PAN3: variants seen among roughly 807,000 people sequenced by gnomAD.
PAN3 encodes PAN2-PAN3 deadenylation complex subunit PAN3.
Under a neutral mutation model 96.2 loss-of-function variants are expected in PAN3, and 19 were observed. The observed-to-expected ratio is 0.20, with a 90% CI of 0.14 to 0.29. PAN3 has a LOEUF of 0.29. Ranked by LOEUF, PAN3 falls within the 10% of genes least tolerant of loss-of-function variation. The pLI is 1.00. For missense variants in PAN3, 882 were observed against 1,108.1 expected (o/e 0.80, Z 2.90); for synonymous variants, 433 against 406.6 (o/e 1.06, Z -0.78).
At chr13:28,194,466 A>ATATTTTT (rs1429166016) in intron 4 of PAN3, among the ~76,000 whole-genome samples, 3 of 122,132 alleles carry the variant, frequency 2.5e-5, no homozygotes, top group African/African-American at 1.1e-4. Flanking sequence ...ATATATATAT[A>ATATTTTT]TTTTTTTTTT....
At chr13:28,225,568 T>TC (rs1273645998) in intron 6 of PAN3, among the ~76,000 whole-genome samples, 2 of 152,192 alleles carry the variant, frequency 1.3e-5, no homozygotes, top group African/African-American at 2.4e-5. Flanking sequence ...TTCTGACAGA[T>TC]TGTCATCTAG....
chr13:28,255,397 TG>T (rs1439462731), intron 6 of PAN3, among the ~76,000 whole-genome samples: 1 of 152,198 alleles, frequency 6.6e-6, no homozygotes, highest in Non-Finnish European at 1.5e-5. Flanking sequence ...AGTTTATATT[TG>T]GGTTTTTTTA....
At chr13:28,203,456 A>G (rs948430968) in intron 5 of PAN3, among the ~76,000 whole-genome samples, 4 of 151,864 alleles carry the variant, frequency 2.6e-5, no homozygotes, top group Non-Finnish European at 4.4e-5. Flanking sequence ...GGTATGTGCA[A>G]CTGTGCCCAG....
At chr13:28,195,951 A>G (rs1313105792) in intron 4 of PAN3, among the ~76,000 whole-genome samples, 1 of 151,996 alleles carries the variant, frequency 6.6e-6, no homozygotes, top group African/African-American at 2.4e-5. Context: ...TTTGGAAATT[A>G]TGTCTTTTTT....
chr13:28,199,989 T>C (rs1878508689), intron 5 of PAN3, among the ~76,000 whole-genome samples: 1 of 152,196 alleles, frequency 6.6e-6, no homozygotes, highest in African/African-American at 2.4e-5. Flanking sequence ...TATTGTCTTT[T>C]GGTATTGCTA....
intron 5 of PAN3, among the ~76,000 whole-genome samples, chr13:28,206,499 T>C (rs1879382291): frequency 6.6e-6 from 1 of 151,748 alleles, no homozygotes; most frequent in African/African-American, 2.4e-5. Flanking sequence ...ATTTTGTATA[T>C]TTAGTAGATA....
Position 28,203,573 on chromosome 13 carries a change from TG to T in PAN3, c.852+6228del, listed in dbSNP as rs529128223. On this transcript the variant is annotated intron_variant, in intron 5 of 18. Coordinates refer to ENST00000380958, the MANE Select transcript of PAN3 (RefSeq NM_175854.8). ...ACCCACTTGCCTCAGCCTCCCAAAG[TG>T]CTGGGATTACAGGTGTGAGCCACCA... Among the ~76,000 whole-genome samples the T allele has an allele frequency of 2.5e-3, 380 of 152,232 alleles. 1 individual carries two copies. The highest frequency in any genetic ancestry group is 8.9e-3 in the African/African-American group (369 of 41,528).
intron 14 of PAN3, 37 bp downstream of exon 14, chr13:28,272,108 C>T: frequency 7.2e-7 from 1 of 1,388,448 alleles, no homozygotes; most frequent in Non-Finnish European, 9.9e-7. Context: ...ACTTGTTTTC[C>T]TTTATTAAAG....
chr13:28,146,725 C>G lies in PAN3; in HGVS notation c.430+7638C>G, dbSNP rs114432758. ...AGGCGCAGTGGCTCACACCTGTAAT[C>G]CTGATACTTTGGGAGGCCAAGGCAG... On this transcript the variant is annotated intron_variant, in intron 1 of 18. Coordinates refer to ENST00000380958, the MANE Select transcript of PAN3 (RefSeq NM_175854.8). Among the ~76,000 whole-genome samples, 1,036 of 152,192 alleles carry G rather than the reference C, an allele frequency of 6.8e-3. 10 individuals are homozygous for G. The highest frequency in any genetic ancestry group is 0.024 in the African/African-American group (1,000 of 41,518).
chr13:28,261,519 A>T, intron 9 of PAN3, 61 bp downstream of exon 9: 2 of 1,464,748 alleles, frequency 1.4e-6, no homozygotes, highest in Non-Finnish European at 1.9e-6. Context: ...ACGTGGTAGT[A>T]CATGTTTTAT....
At chr13:28,205,137 A>T (rs571044666) in intron 5 of PAN3, among the ~76,000 whole-genome samples, 1 of 151,894 alleles carries the variant, frequency 6.6e-6, no homozygotes, top group Admixed American at 6.6e-5. Flanking sequence ...CACTAGATTT[A>T]CTTCCGTCTT....
chr13:28,286,067 G>A (rs1290104246), intron 17 of PAN3, among the ~76,000 whole-genome samples: 1 of 152,202 alleles, frequency 6.6e-6, no homozygotes, highest in Non-Finnish European at 1.5e-5. Context: ...TGAGGGCAGG[G>A]ATTATAGAAT....
chr13:28,231,227 A>G (rs1274666994), intron 6 of PAN3, among the ~76,000 whole-genome samples: 1 of 152,180 alleles, frequency 6.6e-6, no homozygotes, highest in Admixed American at 6.5e-5. Context: ...TCAATAGTCT[A>G]ATGATATTTG....
intron 2 of PAN3, among the ~76,000 whole-genome samples, chr13:28,174,650 A>G (rs1874726923): frequency 6.6e-6 from 1 of 152,104 alleles, no homozygotes. Flanking sequence ...TCACTTGTGT[A>G]TTTTGTATGT....
chr13:28,245,372 A>G (rs1395334271), intron 6 of PAN3, among the ~76,000 whole-genome samples: 1 of 150,100 alleles, frequency 6.7e-6, no homozygotes, highest in Non-Finnish European at 1.5e-5. Context: ...TGTTGCTGCT[A>G]GTAAATGTAA....
intron 2 of PAN3, 62 bp downstream of exon 2, chr13:28,174,455 G>C: frequency 3.3e-6 from 5 of 1,533,854 alleles, no homozygotes; most frequent in Non-Finnish European, 4.4e-6. Flanking sequence ...AGGACATATA[G>C]AGTCTTCATT....
At chr13:28,251,054 G>A (rs1253584991) in intron 6 of PAN3, among the ~76,000 whole-genome samples, 2 of 150,708 alleles carry the variant, frequency 1.3e-5, no homozygotes, top group African/African-American at 2.4e-5. Flanking sequence ...CTAATTTATT[G>A]TTTCACTCTT....
At chr13:28,195,266 G>T (rs891770431) in intron 4 of PAN3, among the ~76,000 whole-genome samples, 8 of 152,110 alleles carry the variant, frequency 5.3e-5, no homozygotes, top group Non-Finnish European at 7.4e-5. Context: ...AGCCTGGCGT[G>T]GTGGCACATG....
intron 5 of PAN3, chr13:28,214,823 TACTGGGACATCTCAGGCTG>T: frequency 1.6e-6 from 1 of 643,628 alleles, no homozygotes. Flanking sequence ...AAAACATGAT[TACTGGGACATCTCAGGCTG>T]ACTGTGCTGT....
Sources: gnomAD v4.1 joint callset for allele counts (sites outside exome capture counted in the v4.1 genomes callset) on GRCh38, gnomAD v4.1.1 for gene constraint, MANE v1.5 for transcripts, NCBI Gene and HGNC (gene_info 2026-07-23, HGNC 2026-07-21) for gene names.